The following NRXN3 variants were observed in gnomAD, a reference collection of about 807,000 sequenced individuals.
NRXN3 encodes the protein neurexin 3.
A neutral mutation model predicts 137.6 loss-of-function variants in NRXN3; 32 were observed. The ratio of observed to expected loss-of-function variants is 0.23; its 90% CI spans 0.18 to 0.31. NRXN3 has a LOEUF of 0.31. Among genes scored for constraint, NRXN3 ranks in the 10% least tolerant of loss-of-function variants. The pLI is 1.00. For synonymous variants in NRXN3, 798 were observed against 784.5 expected (o/e 1.02, Z -0.29); for missense variants, 1,574 against 2,062.5 (o/e 0.76, Z 4.59).
intron 4 of NRXN3, among the ~76,000 whole-genome samples, chr14:78,503,495 T>C (rs1360193067): frequency 6.6e-6 from 1 of 152,112 alleles, no homozygotes; most frequent in Non-Finnish European, 1.5e-5. Flanking sequence ...GGGATCGTGA[T>C]CTTCAGAACA....
intron 4 of NRXN3, among the ~76,000 whole-genome samples, chr14:78,493,869 AT>A (rs1187179200): frequency 2.0e-5 from 3 of 152,162 alleles, no homozygotes; most frequent in East Asian, 1.9e-4. Context: ...TAAGGTCCAG[AT>A]TTTTTTGTCC....
intron 10 of NRXN3, among the ~76,000 whole-genome samples, chr14:78,955,909 G>A (rs562447226): frequency 3.3e-5 from 5 of 152,172 alleles, no homozygotes; most frequent in Admixed American, 3.3e-4. Flanking sequence ...ACATAATAAA[G>A]CTTTCAAAAT....
intron 4 of NRXN3, among the ~76,000 whole-genome samples, chr14:78,502,411 C>A (rs1309738388): frequency 6.6e-6 from 1 of 152,090 alleles, no homozygotes; most frequent in South Asian, 2.1e-4. Flanking sequence ...CAACACATTC[C>A]ATCACTTATC....
chr14:79,496,320 C>T (rs886950536), intron 16 of NRXN3, among the ~76,000 whole-genome samples: 6 of 151,808 alleles, frequency 4.0e-5, no homozygotes, highest in African/African-American at 1.5e-4. Flanking sequence ...GTTACTAGCG[C>T]AGTAAGAGCA....
At chr14:78,888,940 C>A (rs868059424) in intron 10 of NRXN3, among the ~76,000 whole-genome samples, 5 of 151,418 alleles carry the variant, frequency 3.3e-5, no homozygotes, top group South Asian at 2.1e-4. Context: ...AATGGTGTGA[C>A]CTTGGGCAAG....
At chr14:79,067,540 G>A (rs2099682310) in intron 15 of NRXN3, among the ~76,000 whole-genome samples, 1 of 152,050 alleles carries the variant, frequency 6.6e-6, no homozygotes, top group African/African-American at 2.4e-5. Context: ...GTAGAAATGT[G>A]TACTAGCTCT....
At chr14:79,254,893 C>T (rs973813119) in intron 15 of NRXN3, among the ~76,000 whole-genome samples, 1 of 151,462 alleles carries the variant, frequency 6.6e-6, no homozygotes, top group Non-Finnish European at 1.5e-5. Context: ...TTCCTCCCTC[C>T]CTTCCTTTCT....
intron 4 of NRXN3, among the ~76,000 whole-genome samples, chr14:78,483,824 C>T (rs1359729268): frequency 1.3e-5 from 2 of 152,028 alleles, no homozygotes; most frequent in African/African-American, 2.4e-5. Flanking sequence ...AAAACTGAGG[C>T]CTAGAGAAGT....
intron 4 of NRXN3, among the ~76,000 whole-genome samples, chr14:78,595,342 C>T (rs1156600061): frequency 2.6e-5 from 4 of 152,210 alleles, no homozygotes; most frequent in Non-Finnish European, 4.4e-5. Context: ...ACAACTTCTG[C>T]TTTGCCACTC....
At chr14:78,764,162 T>A (rs1202584126) in intron 8 of NRXN3, among the ~76,000 whole-genome samples, 1 of 152,186 alleles carries the variant, frequency 6.6e-6, no homozygotes, top group Non-Finnish European at 1.5e-5. Flanking sequence ...CAGTTAAGAA[T>A]TGAATTGTGC....
intron 15 of NRXN3, among the ~76,000 whole-genome samples, chr14:79,162,302 C>T (rs954096959): frequency 5.9e-5 from 8 of 136,312 alleles, no homozygotes; most frequent in African/African-American, 1.6e-4. Flanking sequence ...CTCCCCTCAC[C>T]CCACAACAGT....
chr14:79,441,534 C>T (rs1054492473), intron 15 of NRXN3, among the ~76,000 whole-genome samples: 6 of 151,696 alleles, frequency 4.0e-5, no homozygotes, highest in Non-Finnish European at 5.9e-5. Context: ...CGCCCGCCAC[C>T]GCACCCGGCT....
rs869170695 is a variant in NRXN3, at chr14:79,441,366, C to CTTTTTTTTTTTTTT, written c.3263-25837_3263-25824dup. 1.6e-4 allele frequency among the ~76,000 whole-genome samples: 11 copies of CTTTTTTTTTTTTTT among 67,248 alleles called. 2 individuals are homozygous for CTTTTTTTTTTTTTT. Among genetic ancestry groups the CTTTTTTTTTTTTTT allele is most frequent in the East Asian group, 1.7e-3 (2 of 1,184 alleles). The allele number at this position is 67,248 out of a possible 152,430, so 44.1% of individuals were successfully genotyped here. On this transcript the variant is annotated intron_variant, in intron 15 of 20. Transcript: ENST00000335750. ...GAATATCCCTGGACAAACAGAAAAT[C>CTTTTTTTTTTTTTT]TTTTTTTTTTTTTTTTTTTTTTTTT...
chr14:79,043,954 T>G (rs541910508), intron 15 of NRXN3, among the ~76,000 whole-genome samples: 151 of 152,302 alleles, frequency 9.9e-4, no homozygotes, highest in Non-Finnish European at 1.7e-3. Context: ...ACCTGTGCAC[T>G]GAAGGATGCT....
At chr14:79,452,554 T>A (rs984571606) in intron 15 of NRXN3, among the ~76,000 whole-genome samples, 6 of 152,194 alleles carry the variant, frequency 3.9e-5, no homozygotes, top group African/African-American at 1.4e-4. Context: ...AAGTGCCTTA[T>A]TCCAGGGCCT....
intron 15 of NRXN3, chr14:79,280,411 TTCC>T (rs1663122638): frequency 1.2e-6 from 2 of 1,613,972 alleles, no homozygotes; most frequent in African/African-American, 1.3e-5. Flanking sequence ...CTAATGTAGC[TTCC>T]TCCTCCTCCA....
intron 15 of NRXN3, among the ~76,000 whole-genome samples, chr14:79,130,411 C>A (rs1358555266): frequency 4.2e-4 from 64 of 151,702 alleles, no homozygotes; most frequent in South Asian, 1.9e-3. Flanking sequence ...TTGTCTGTAA[C>A]GTATTTTATT....
chr14:79,384,809 A>T (rs1009969966), intron 15 of NRXN3, among the ~76,000 whole-genome samples: 2 of 152,220 alleles, frequency 1.3e-5, no homozygotes, highest in African/African-American at 4.8e-5. Context: ...GAGGGTAATA[A>T]TAGTTCCACG....
chr14:79,697,783 A>G lies in NRXN3; in HGVS notation c.3860A>G (p.Asn1287Ser), dbSNP rs1311840283. ...GAGAACAACCCCAATATTAAAATCAATGGAAGTGTTCGGCTGGTTGGAGAA... is the reference window on the plus strand; with the variant it reads ...GAGAACAACCCCAATATTAAAATCAGTGGAAGTGTTCGGCTGGTTGGAGAA... The part of the protein sequence containing the change: ...AAENNPNIKI[N>S]GSVRLVGEVP... Residue 1287 changes from asparagine to serine, a missense_variant, in exon 19 of 21, where the codon AAT becomes AGT. By Grantham distance (46) the Asn-to-Ser change is conservative (BLOSUM62 1). This residue lies in a region of NRXN3 where 320 missense variants were observed against 387.1 expected (regional missense o/e 0.83). Coordinates refer to ENST00000335750, the MANE Select transcript of NRXN3 (RefSeq NM_001330195.2). The G allele has an allele frequency of 1.9e-6, 3 of 1,613,034 alleles. No homozygotes were observed. The highest frequency in any genetic ancestry group is 2.5e-6 in the Non-Finnish European group (3 of 1,179,456).
Sources: gnomAD v4.1 joint callset for allele counts (sites outside exome capture counted in the v4.1 genomes callset) on GRCh38, gnomAD v4.1.1 for gene constraint, gnomAD v4.1.1 regional missense constraint, MANE v1.5 for transcripts, NCBI Gene and HGNC (gene_info 2026-07-23, HGNC 2026-07-21) for gene names.